PTH2R: variants seen among roughly 807,000 people sequenced by gnomAD.
The protein encoded by PTH2R is parathyroid hormone 2 receptor, also known as PTH2 receptor.
A neutral mutation model predicts 60.3 loss-of-function variants in PTH2R; 59 were observed. The observed-to-expected ratio is 0.98, with a 90% confidence interval of 0.79 to 1.22. PTH2R has a LOEUF of 1.22. PTH2R is among the 50% of genes most tolerant of loss of function. The probability of loss-of-function intolerance (pLI) is 0.00; values close to 1 mark genes in which losing one functional copy is unlikely to be tolerated. For missense variants in PTH2R, 749 were observed against 682.6 expected, an observed-to-expected ratio of 1.10 and a Z score of -1.08; for synonymous variants, 256 against 243.8, an observed-to-expected ratio of 1.05 and a Z score of -0.47.
chr2:208,488,173 T>C (rs1703316969), intron 10 of PTH2R, among the ~76,000 whole-genome samples: 1 of 152,134 alleles, frequency 6.6e-6, no homozygotes, highest in South Asian at 2.1e-4. Context: ...AACTACTTAG[T>C]TTGCCAAAAA....
rs763681038 is a variant in PTH2R at position 208,450,777 on chromosome 2, G to C, written c.882G>C (p.Trp294Cys). ...WGFPAAFVAA[W>C]AVARATLADA... ...TTCCAGCAGCATTTGTTGCAGCATG[G>C]GCTGTGGCACGAGCAACTCTGGCTG... Residue 294 changes from tryptophan (W) to cysteine (C), a missense_variant, in exon 8 of 13, where the codon TGG (tryptophan) becomes TGC (cysteine). By Grantham distance (215) the Trp-to-Cys change is radical. Coordinates refer to ENST00000272847, the MANE Select transcript of PTH2R (RefSeq NM_005048.4). 6.2e-7 allele frequency: 1 copy of C among 1,613,940 alleles called. No individual in the cohort carries two copies. Among genetic ancestry groups the C allele is most frequent in the South Asian group, 1.1e-5 (1 of 91,064 alleles).
intron 1 of PTH2R, among the ~76,000 whole-genome samples, chr2:208,407,863 C>T (rs1253009077): frequency 6.6e-6 from 1 of 152,068 alleles, no homozygotes; most frequent in Non-Finnish European, 1.5e-5. Context: ...TGAATTTAAA[C>T]CGAATCAAGG....
chr2:208,389,806 CGGGGGTGG>C, intron 1 of PTH2R, among the ~76,000 whole-genome samples: 1 of 150,556 alleles, frequency 6.6e-6, no homozygotes, highest in East Asian at 1.9e-4. Context: ...TCTTTTTTTG[CGGGGGTGG>C]GGGGGTTGTT....
intron 1 of PTH2R, among the ~76,000 whole-genome samples, chr2:208,377,065 G>T (rs527314556): frequency 1.3e-5 from 2 of 152,002 alleles, no homozygotes; most frequent in South Asian, 4.1e-4. Context: ...TTAGGGAGTG[G>T]TGATGACTCT....
At chr2:208,442,497 A>G in intron 5 of PTH2R, 36 bp downstream of exon 5, 3 of 1,463,230 alleles carry the variant, frequency 2.1e-6, no homozygotes, top group Non-Finnish European at 2.9e-6. Context: ...ATGAAGGGGC[A>G]CATTGTCTTT....
At chr2:208,445,324 A>G (rs903449660) in intron 7 of PTH2R, among the ~76,000 whole-genome samples, 7 of 152,196 alleles carry the variant, frequency 4.6e-5, no homozygotes, top group African/African-American at 1.4e-4. Flanking sequence ...TTGTAGGACC[A>G]TCCTGACTGT....
At chr2:208,467,646 G>A (rs1702783198) in intron 9 of PTH2R, among the ~76,000 whole-genome samples, 1 of 152,154 alleles carries the variant, frequency 6.6e-6, no homozygotes, top group Admixed American at 6.5e-5. Flanking sequence ...GGAAAAACAA[G>A]CTTGTCATTT....
intron 1 of PTH2R, among the ~76,000 whole-genome samples, chr2:208,368,352 G>C (rs998892761): frequency 6.6e-6 from 1 of 152,090 alleles, no homozygotes; most frequent in Non-Finnish European, 1.5e-5. Flanking sequence ...AGTAGCATCA[G>C]GCATTCCTCC....
At chr2:208,362,837 AGTGT>A (rs4021384) in intron 1 of PTH2R, among the ~76,000 whole-genome samples, 84,131 of 150,402 alleles carry the variant, frequency 0.56, 25,511 homozygotes, top group Non-Finnish European at 0.66. Flanking sequence ...AACACTTATT[AGTGT>A]GTGTGTGTGT....
At chr2:208,457,958 C>G (rs1467138999) in intron 8 of PTH2R, among the ~76,000 whole-genome samples, 1 of 152,138 alleles carries the variant, frequency 6.6e-6, no homozygotes, top group East Asian at 1.9e-4. Context: ...TTATATCCCA[C>G]AAATTTCTTT....
intron 8 of PTH2R, among the ~76,000 whole-genome samples, chr2:208,456,971 C>A (rs1702527907): frequency 6.6e-6 from 1 of 152,142 alleles, no homozygotes; most frequent in Non-Finnish European, 1.5e-5. Context: ...TGGTTTTGAC[C>A]TACTTCCAAA....
intron 1 of PTH2R, among the ~76,000 whole-genome samples, chr2:208,362,105 C>T (rs994642287): frequency 2.0e-5 from 3 of 152,220 alleles, no homozygotes; most frequent in Non-Finnish European, 4.4e-5. Flanking sequence ...CTTCTGCCAT[C>T]AGACATCAGA....
At chr2:208,397,782 C>T (rs572398036) in intron 1 of PTH2R, among the ~76,000 whole-genome samples, 3 of 152,282 alleles carry the variant, frequency 2.0e-5, no homozygotes, top group East Asian at 3.9e-4. Flanking sequence ...ATGTTCTACA[C>T]ATGTGGGGAT....
Position 208,489,026 on chromosome 2 carries a change from C to T in PTH2R, c.1091C>T (p.Ser364Leu), listed in dbSNP as rs760795239. The change falls in exon 11 of 13, where the codon TCG (serine) becomes TTG (leucine). Residue 364 changes from serine to leucine, a missense_variant. By Grantham distance (145) the Ser-to-Leu change is moderately radical. Coordinates refer to ENST00000272847, the MANE Select transcript of PTH2R (RefSeq NM_005048.4). ...TTCTCCTTTAGGAAACTGGCCAAAT[C>T]GACACTGGTCCTGGTCCTAGTCTTT... ...TRKQYRKLAK[S>L]TLVLVLVFGV... 1.4e-5 allele frequency: 22 copies of T among 1,613,804 alleles called. No homozygotes were observed. Among genetic ancestry groups the T allele is most frequent in the Admixed American group, 3.3e-5 (2 of 59,978 alleles).
chr2:208,461,470 A>G (rs1436463931), intron 9 of PTH2R, among the ~76,000 whole-genome samples: 2 of 151,868 alleles, frequency 1.3e-5, no homozygotes, highest in Non-Finnish European at 2.9e-5. Context: ...ATATCTTACT[A>G]TTATCTTTTT....
intron 8 of PTH2R, among the ~76,000 whole-genome samples, chr2:208,451,927 C>T (rs1336414705): frequency 6.6e-6 from 1 of 151,940 alleles, no homozygotes; most frequent in Non-Finnish European, 1.5e-5. Flanking sequence ...GTAAAGAATC[C>T]TTTCTTTATA....
rs939866728 is a variant in PTH2R, at chr2:208,493,974, T to A, written c.*315T>A. On this transcript the variant is annotated 3_prime_UTR_variant, in exon 13 of 13. Coordinates refer to ENST00000272847, the MANE Select transcript of PTH2R (RefSeq NM_005048.4). ...AAGATTCAATTGCTTGGCTGTAGCT[T>A]TCTCTCATATATATCACCCTAAATA... 4 of 218,198 alleles carry A rather than the reference T, an allele frequency of 1.8e-5. No homozygotes were observed. Among genetic ancestry groups the A allele is most frequent in the Non-Finnish European group, 2.7e-5 (3 of 111,146 alleles). 13.5% of individuals were successfully genotyped at this position (218,198 alleles called of 1,614,324 possible). A position where few individuals can be genotyped will look rare whatever the true frequency, so the allele number is the denominator to read the frequency against.
intron 1 of PTH2R, among the ~76,000 whole-genome samples, chr2:208,394,725 T>C (rs1701174250): frequency 6.6e-6 from 1 of 152,164 alleles, no homozygotes; most frequent in Admixed American, 6.5e-5. Flanking sequence ...GAACTCTATA[T>C]CCTGTTATTA....
chr2:208,449,996 A>G (rs1348515759), intron 7 of PTH2R, among the ~76,000 whole-genome samples: 1 of 152,202 alleles, frequency 6.6e-6, no homozygotes, highest in Non-Finnish European at 1.5e-5. Flanking sequence ...GCAGTATTCC[A>G]TATAAGTTAT....
Sources: gnomAD v4.1 joint callset for allele counts (sites outside exome capture counted in the v4.1 genomes callset) on GRCh38, gnomAD v4.1.1 for gene constraint, MANE v1.5 for transcripts, NCBI Gene and HGNC (gene_info 2026-07-23, HGNC 2026-07-21) for gene names.